The following FBXL18 variants were observed in gnomAD, a reference collection of about 807,000 sequenced individuals.
The protein encoded by FBXL18 is F-box/LRR-repeat protein 18.
FBXL18 carries 36 observed loss-of-function variants against 46.0 expected under a neutral mutation model. The ratio of observed to expected loss-of-function variants is 0.78; its 90% CI spans 0.60 to 1.03. The LOEUF (loss-of-function observed/expected upper bound fraction) is 1.03. Among genes scored for constraint, FBXL18 ranks in the 50% least tolerant of loss-of-function variants. The pLI is 0.00. For missense variants in FBXL18, 977 were observed against 1,004.1 expected (o/e 0.97, Z 0.36); for synonymous variants, 557 against 465.3 (o/e 1.20, Z -2.54).
In FBXL18 at chr7:5,488,405, G is replaced by A. The variant is rs937246873; in HGVS notation, c.2000+2826C>T. On this transcript the variant is annotated intron_variant, in intron 4 of 4. Coordinates refer to ENST00000382368, the MANE Select transcript of FBXL18 (RefSeq NM_024963.6). ...GGAGGCCTTCGAGGGTGGGGCGGGG[G>A]GCTGCCCCGTCATGAGCACAGCCGT... is the stretch of plus-strand genomic sequence containing the variant. Among the ~76,000 whole-genome samples the A allele has an allele frequency of 4.6e-5, 7 of 152,358 alleles. 1 individual carries two copies. In the South Asian group the frequency reaches 1.2e-3, roughly 27 times the overall value.
Position 5,491,219 on chromosome 7 carries a change from C to G in FBXL18, c.2000+12G>C, listed in dbSNP as rs576832891. 5 of 1,604,720 alleles carry G rather than the reference C, an allele frequency of 3.1e-6. No individual in the cohort carries two copies. In the African/African-American group the frequency reaches 5.3e-5, roughly 17 times the overall value. ...GCGGCCCCTGAAGCTGTACGCAACC[C>G]ACATCACTCACCTGCGGAGAAGCGA... On this transcript the variant is annotated intron_variant, in intron 4 of 4. Coordinates refer to ENST00000382368, the MANE Select transcript of FBXL18 (RefSeq NM_024963.6).
intron 4 of FBXL18, among the ~76,000 whole-genome samples, chr7:5,485,333 G>T (rs567938578): frequency 6.6e-6 from 1 of 152,146 alleles, no homozygotes; most frequent in African/African-American, 2.4e-5. Flanking sequence ...ACTCCTGTGC[G>T]GCTTCATAGT....
downstream of FBXL18, among the ~76,000 whole-genome samples, chr7:5,473,873 C>T (rs1783465910): frequency 6.6e-6 from 1 of 152,048 alleles, no homozygotes; most frequent in Non-Finnish European, 1.5e-5. Flanking sequence ...TGGCTCACTG[C>T]AGCCCCCACC....
At chr7:5,502,894 A>G (rs1217866370) in intron 2 of FBXL18, among the ~76,000 whole-genome samples, 3 of 151,742 alleles carry the variant, frequency 2.0e-5, no homozygotes, top group African/African-American at 7.3e-5. Context: ...GGGCTACCAC[A>G]TGAGCCAGCA....
intron 1 of FBXL18, among the ~76,000 whole-genome samples, chr7:5,510,552 C>T (rs1327731702): frequency 1.3e-5 from 2 of 151,596 alleles, no homozygotes; most frequent in African/African-American, 2.4e-5. Flanking sequence ...CATGGTGGCA[C>T]GTGCCTATAG....
rs1485474224 is a variant in FBXL18, at chr7:5,496,645, G to A, written c.1781+3843C>T. ...ACCTGTGATCCCAGCCCTTTGGGCG[G>A]CCCAGGCAAGAGGATCACTTGAGCC... On this transcript the variant is annotated intron_variant, in intron 3 of 4. Transcript: ENST00000382368. This position sits in a 1 kb window ranked among gnomAD's most constrained non-coding sequence, Gnocchi z 4.8. Among the ~76,000 whole-genome samples, 1 of 152,196 alleles carries A rather than the reference G, an allele frequency of 6.6e-6. No individual in the cohort carries two copies. Among genetic ancestry groups the A allele is most frequent in the African/African-American group, 2.4e-5 (1 of 41,468 alleles).
At chr7:5,464,663 C>CCAA (rs1783315204) in intron 4 of FBXL18, among the ~76,000 whole-genome samples, 1 of 29,516 alleles carries the variant, frequency 3.4e-5, no homozygotes, top group Admixed American at 7.4e-4. Flanking sequence ...ACTCTTATCT[C>CCAA]AAAAAAAAAA....
intron 4 of FBXL18, among the ~76,000 whole-genome samples, chr7:5,482,257 C>T (rs924646438): frequency 1.3e-5 from 2 of 152,320 alleles, no homozygotes; most frequent in South Asian, 2.1e-4. Context: ...GGCCCCAGGG[C>T]AGCAGAGGGA....
At chr7:5,505,970 T>G (rs1003771731) in intron 1 of FBXL18, among the ~76,000 whole-genome samples, 7 of 152,102 alleles carry the variant, frequency 4.6e-5, no homozygotes, top group African/African-American at 1.7e-4. Context: ...GCTCAAGAGA[T>G]TCTCCTGCCT....
chr7:5,501,670 T>G lies in FBXL18; in HGVS notation c.599A>C (p.Tyr200Ser). ...CCTSLEKLLL[Y>S]FEILDRTREG... is the part of the protein sequence containing the mutation. ...GCGCGTGCGGTCCAGAATCTCGAAG[T>G]AGAGCAGCAGCTTCTCTAGGCTGGT... is the stretch of plus-strand genomic sequence containing the variant. Residue 200 changes from tyrosine (Y) to serine (S), a missense_variant, in exon 3 of 5, where the codon TAC becomes TCC. By Grantham distance (144) the Tyr-to-Ser change is moderately radical. Coordinates refer to ENST00000382368, the MANE Select transcript of FBXL18 (RefSeq NM_024963.6). 6.2e-7 allele frequency: 1 copy of G among 1,609,720 alleles called. No homozygotes were observed. The highest frequency in any genetic ancestry group is 8.5e-7 in the Non-Finnish European group (1 of 1,177,806).
intron 4 of FBXL18, among the ~76,000 whole-genome samples, chr7:5,454,708 G>A (rs913988293): frequency 4.6e-5 from 7 of 152,172 alleles, no homozygotes; most frequent in African/African-American, 7.2e-5. Flanking sequence ...GGCACACAGC[G>A]AGGGAGCAAC....
chr7:5,463,728 A>T (rs865899141), intron 4 of FBXL18, among the ~76,000 whole-genome samples: 3,258 of 52,866 alleles, frequency 0.062, 163 homozygotes, highest in Non-Finnish European at 0.077. Flanking sequence ...TTATTTATTT[A>T]TTTTTTTTTT....
chr7:5,490,775 A>G (rs1427817899), intron 4 of FBXL18, among the ~76,000 whole-genome samples: 2 of 152,120 alleles, frequency 1.3e-5, no homozygotes, highest in South Asian at 2.1e-4. Context: ...GACCAGCCTG[A>G]CCAACATGGT....
chr7:5,505,071 C>T (rs954839367), intron 2 of FBXL18, among the ~76,000 whole-genome samples: 8 of 151,722 alleles, frequency 5.3e-5, no homozygotes, highest in African/African-American at 1.9e-4. Flanking sequence ...CACTGGAGAG[C>T]CACATATTTA....
At position 5,469,512 on chromosome 7, in the gene FBXL18, CGTGA is replaced by C. The variant is rs533989327; in HGVS notation, c.2001-21673_2001-21670del. Among the ~76,000 whole-genome samples, 68 of 151,988 alleles carry C rather than the reference CGTGA, an allele frequency of 4.5e-4. 1 individual carries two copies. The South Asian group carries it at 0.011, about 25-fold the overall frequency. On this transcript the variant is annotated intron_variant and NMD_transcript_variant, in intron 4 of 6. Coordinates refer to the FBXL18 transcript ENST00000415009. ...AAATGAGCACATCTGTACTTGTGCA[CGTGA>C]GTGTGAATGTGTGAGCTATCAGTGT...
chr7:5,500,450 T>G, intron 3 of FBXL18, 38 bp downstream of exon 3: 1 of 1,538,382 alleles, frequency 6.5e-7, no homozygotes, highest in Non-Finnish European at 8.8e-7. Flanking sequence ...TCCGCCAGCT[T>G]CCAGCAGAGG....
At chr7:5,489,411 G>C (rs1368028961) in intron 4 of FBXL18, 14 of 482,982 alleles carry the variant, frequency 2.9e-5, no homozygotes, top group South Asian at 2.2e-4. Context: ...GAGGTAAGCG[G>C]ATCACCTGAG....
At chr7:5,512,118 G>C (rs187399435) in intron 1 of FBXL18, among the ~76,000 whole-genome samples, 1 of 149,766 alleles carries the variant, frequency 6.7e-6, no homozygotes, top group South Asian at 2.1e-4. Flanking sequence ...GGTGGCGGGC[G>C]CCCGTAGTCC....
chr7:5,463,716 A>T lies in FBXL18; in HGVS notation c.2001-15873T>A, dbSNP rs1173316928. Among the ~76,000 whole-genome samples, 101 of 61,366 alleles carry T rather than the reference A, an allele frequency of 1.6e-3. 1 individual carries two copies. The highest frequency in any genetic ancestry group is 1.7e-3 in the Non-Finnish European group (56 of 33,532). 40.3% of individuals were successfully genotyped at this position (61,366 alleles called of 152,430 possible). On this transcript the variant is annotated intron_variant and NMD_transcript_variant, in intron 4 of 6. Coordinates refer to the FBXL18 transcript ENST00000415009. ...GAACTATATATATATTTATTTATTT[A>T]TTTATTTATTTATTTTTTTTTTTTT... is the stretch of plus-strand genomic sequence containing the variant.
Sources: gnomAD v4.1 joint callset for allele counts (sites outside exome capture counted in the v4.1 genomes callset) on GRCh38, gnomAD v4.1.1 for gene constraint, Gnocchi (gnomAD v3.1) non-coding constraint, MANE v1.5 for transcripts, NCBI Gene and HGNC (gene_info 2026-07-23, HGNC 2026-07-21) for gene names.